DHX32: variants seen among roughly 807,000 people sequenced by gnomAD.
DHX32 encodes DEAH-box helicase 32 (putative).
In DHX32, 51 loss-of-function variants were observed where a neutral mutation model predicts 70.0. That is an observed-to-expected ratio of 0.73 (90% CI 0.58 to 0.92). DHX32 has a LOEUF of 0.92. Among genes scored for constraint, DHX32 ranks in the 40% least tolerant of loss-of-function variants. The probability of loss-of-function intolerance (pLI) is 0.00; values close to 1 mark genes in which losing one functional copy is unlikely to be tolerated. For synonymous variants in DHX32, 310 were observed against 315.3 expected (o/e 0.98, Z 0.18); for missense variants, 762 against 891.8 (o/e 0.85, Z 1.85).
chr10:125,859,882 T>G lies in DHX32; in HGVS notation c.570A>C (p.Arg190Ser), dbSNP rs1309133767. The change falls in exon 3 of 11, where the codon AGA becomes AGC. Residue 190 changes from arginine (R) to serine (S), a missense_variant. Coordinates refer to ENST00000284690, the MANE Select transcript of DHX32 (RefSeq NM_018180.3). ...CAAGTAACACATCAGTTGCAATGCT[T>G]CTTTCATGAATATCATCTAAGATGA... ...GVIILDDIHE[R>S]SIATDVLLGL... is the part of the protein sequence containing the mutation. 8.1e-6 allele frequency: 13 copies of G among 1,613,974 alleles called. No individual in the cohort carries two copies. The highest frequency in any genetic ancestry group is 1.1e-5 in the Non-Finnish European group (13 of 1,180,004).
intron 10 of DHX32, among the ~76,000 whole-genome samples, chr10:125,837,505 G>A (rs1302389215): frequency 6.6e-6 from 1 of 152,166 alleles, no homozygotes; most frequent in Admixed American, 6.5e-5. Context: ...GTACCTCACT[G>A]CAGCCTTGAC....
At chr10:125,841,186 T>TG in intron 7 of DHX32, 190 bp from the exon 8 acceptor site, 2 of 1,448,082 alleles carry the variant, frequency 1.4e-6, no homozygotes, top group African/African-American at 1.4e-5. Context: ...TCCCTCTCCT[T>TG]TTGTGTGTGT....
Position 125,836,585 on chromosome 10 carries a change from G to A in DHX32, c.*102C>T. 6.9e-7 allele frequency: 1 copy of A among 1,445,536 alleles called. No individual in the cohort carries two copies. Among genetic ancestry groups the A allele is most frequent in the South Asian group, 1.4e-5 (1 of 69,986 alleles). 89.5% of individuals were successfully genotyped at this position (1,445,536 alleles called of 1,614,324 possible). A position where few individuals can be genotyped will look rare whatever the true frequency, so the allele number is the denominator to read the frequency against. On this transcript the variant is annotated 3_prime_UTR_variant, in exon 11 of 11. Transcript: ENST00000284690. ...GTGTTATTTTCTTCAAGACCGTCCT[G>A]TGGATGTGAAATCCGTCTTCGCGTC...
At chr10:125,884,508 C>CCCTTGACAAATAGCTCAAA (rs1460780147), upstream of DHX32, among the ~76,000 whole-genome samples, 1 of 152,210 alleles carries the variant, frequency 6.6e-6, no homozygotes, top group African/African-American at 2.4e-5. Context: ...CACACTTTGT[C>CCCTTGACAAATAGCTCAAA]AAGGACAGCT....
At chr10:125,868,831 T>C (rs1944238942) in intron 1 of DHX32, among the ~76,000 whole-genome samples, 1 of 152,130 alleles carries the variant, frequency 6.6e-6, no homozygotes, top group African/African-American at 2.4e-5. Flanking sequence ...CTGGTGTCGT[T>C]TTCTCCACAA....
intron 2 of DHX32, among the ~76,000 whole-genome samples, chr10:125,860,413 C>T (rs1944179235): frequency 6.6e-6 from 1 of 152,184 alleles, no homozygotes; most frequent in Non-Finnish European, 1.5e-5. Flanking sequence ...ACAAGAATAA[C>T]CATCCTGGCT....
intron 2 of DHX32, among the ~76,000 whole-genome samples, chr10:125,862,486 T>C (rs1258388328): frequency 6.6e-6 from 1 of 152,126 alleles, no homozygotes; most frequent in Non-Finnish European, 1.5e-5. Flanking sequence ...TAATGTTATC[T>C]CTGTTTCCTT....
chr10:125,846,005 GA>G lies in DHX32; in HGVS notation c.1352-4072del, dbSNP rs1484959270. ...CATCACTCCCACCGCCCAGGCCTCA[GA>G]AAGGACTAAGTGGGGAAGGAAGCTG... On this transcript the variant is annotated intron_variant, in intron 6 of 10. Coordinates refer to ENST00000284690, the MANE Select transcript of DHX32 (RefSeq NM_018180.3). Among the ~76,000 whole-genome samples, 4 of 152,238 alleles carry G rather than the reference GA, an allele frequency of 2.6e-5. No individual in the cohort carries two copies. In the South Asian group the frequency reaches 8.3e-4, roughly 31 times the overall value.
intron 6 of DHX32, among the ~76,000 whole-genome samples, chr10:125,849,023 G>A (rs911719725): frequency 6.6e-6 from 1 of 152,100 alleles, no homozygotes; most frequent in Non-Finnish European, 1.5e-5. Flanking sequence ...CCTCAATATG[G>A]GGACCATCTA....
chr10:125,870,993 G>A (rs1001157344), intron 1 of DHX32, among the ~76,000 whole-genome samples: 1 of 152,128 alleles, frequency 6.6e-6, no homozygotes. Flanking sequence ...ATTTGGACAC[G>A]TTCAGCCTGG....
chr10:125,882,153 C>G (rs1944321023), upstream of DHX32, among the ~76,000 whole-genome samples: 1 of 152,090 alleles, frequency 6.6e-6, no homozygotes. Flanking sequence ...GGGTCTTTCC[C>G]CTTCCAATTA....
intron 2 of DHX32, among the ~76,000 whole-genome samples, chr10:125,863,520 T>C (rs546594754): frequency 7.4e-4 from 112 of 151,894 alleles, no homozygotes; most frequent in African/African-American, 2.6e-3. Flanking sequence ...TGATCTCGGC[T>C]CACTGCAAGC....
chr10:125,863,898 T>C (rs1398039808), intron 2 of DHX32, among the ~76,000 whole-genome samples: 1 of 152,210 alleles, frequency 6.6e-6, no homozygotes, highest in Non-Finnish European at 1.5e-5. Flanking sequence ...ACCACATACA[T>C]ACACCATGCA....
upstream of DHX32, among the ~76,000 whole-genome samples, chr10:125,884,297 C>G (rs1019917629): frequency 2.0e-5 from 3 of 152,150 alleles, no homozygotes; most frequent in Non-Finnish European, 4.4e-5. Context: ...TACCAAAGAT[C>G]TATGTCTTGG....
intron 6 of DHX32, among the ~76,000 whole-genome samples, chr10:125,849,395 G>T (rs886270572): frequency 2.0e-5 from 3 of 152,234 alleles, no homozygotes; most frequent in Admixed American, 6.5e-5. Context: ...TTCACTTTCT[G>T]TAACATTATT....
intron 1 of DHX32, among the ~76,000 whole-genome samples, chr10:125,889,271 T>A (rs1169816864): frequency 2.6e-5 from 4 of 152,204 alleles, no homozygotes; most frequent in Admixed American, 6.5e-5. Flanking sequence ...GCTTTGCAAC[T>A]CCTGCAAAAT....
rs957498001 is a variant in DHX32 at position 125,866,738 on chromosome 10, T to C, written c.476+252A>G. On this transcript the variant is annotated intron_variant, in intron 2 of 10. Coordinates refer to ENST00000284690, the MANE Select transcript of DHX32 (RefSeq NM_018180.3). The surrounding 1 kb of genome is among the most constrained non-coding windows in gnomAD (Gnocchi z 4.8). The stretch of plus-strand genomic sequence containing the variant: ...AGCTCCAGAAGCACACGCTTGAAGG[T>C]TCTGAGGGGCCAAGCAAGTTGTTAA... Among the ~76,000 whole-genome samples the C allele has an allele frequency of 1.3e-5, 2 of 152,070 alleles. No homozygotes were observed. The highest frequency in any genetic ancestry group is 2.9e-5 in the Non-Finnish European group (2 of 68,004).
At chr10:125,876,804 A>C (rs1944287022) in intron 1 of DHX32, among the ~76,000 whole-genome samples, 1 of 152,244 alleles carries the variant, frequency 6.6e-6, no homozygotes, top group Admixed American at 6.5e-5. Context: ...ATTTTGGACC[A>C]GAAAAACAAT....
intron 6 of DHX32, among the ~76,000 whole-genome samples, chr10:125,847,065 A>T (rs1331822488): frequency 6.6e-6 from 1 of 152,202 alleles, no homozygotes; most frequent in Non-Finnish European, 1.5e-5. Flanking sequence ...TAGGGTTGGG[A>T]CTTGGGCATT....
Sources: allele counts gnomAD v4.1 joint callset (sites outside exome capture counted in the v4.1 genomes callset), GRCh38; gene constraint gnomAD v4.1.1; non-coding constraint Gnocchi (gnomAD v3.1); transcripts MANE v1.5; gene names NCBI Gene and HGNC (gene_info 2026-07-23, HGNC 2026-07-21).